Variants in IQCM observed in about 807,000 individuals in gnomAD.
The protein encoded by IQCM is IQ domain-containing protein M.
A neutral mutation model predicts 57.6 loss-of-function variants in IQCM; 45 were observed. That is an observed-to-expected ratio of 0.78 (90% CI 0.62 to 1.00). The LOEUF (loss-of-function observed/expected upper bound fraction) is 1.00. Ranked by LOEUF, IQCM falls within the 50% of genes least tolerant of loss-of-function variation. The pLI is 0.00. For synonymous variants in IQCM, 148 were observed against 158.9 expected (o/e 0.93, Z 0.51); for missense variants, 468 against 511.6 (o/e 0.91, Z 0.82).
intron 7 of IQCM, among the ~76,000 whole-genome samples, chr4:149,658,865 T>C (rs1011962329): frequency 3.9e-5 from 6 of 152,086 alleles, no homozygotes; most frequent in Non-Finnish European, 2.9e-5. Flanking sequence ...TTAGTTCTAA[T>C]ATTTTTTGGT....
At chr4:149,677,650 C>G (rs549185626) in intron 7 of IQCM, among the ~76,000 whole-genome samples, 1 of 152,044 alleles carries the variant, frequency 6.6e-6, no homozygotes, top group East Asian at 2.0e-4. Flanking sequence ...CAACCACAAA[C>G]AGGGAACCAT....
intron 13 of IQCM, among the ~76,000 whole-genome samples, chr4:149,366,600 A>G (rs1252223818): frequency 6.6e-6 from 1 of 151,906 alleles, no homozygotes; most frequent in African/African-American, 2.4e-5. Context: ...CACTTTTAAT[A>G]CTATATTTTT....
chr4:149,526,383 C>T (rs914285486), intron 12 of IQCM, among the ~76,000 whole-genome samples: 7 of 151,886 alleles, frequency 4.6e-5, no homozygotes, highest in African/African-American at 1.2e-4. Context: ...TGACCATAAA[C>T]ATGTACTTTC....
In IQCM at chr4:149,765,570, G is replaced by T. The variant is rs116897219; in HGVS notation, c.-48-22831C>A. On this transcript the variant is annotated intron_variant, in intron 2 of 13. Transcript: ENST00000636793. ...CCAAAACTAAGTCCCTTCTGGTTGG[G>T]GACTGAAAACTGCCCTTGTAAAATT... Among the ~76,000 whole-genome samples, 296 of 151,908 alleles carry T rather than the reference G, an allele frequency of 1.9e-3. 5 individuals are homozygous for T. In the East Asian group the frequency reaches 0.051, roughly 26 times the overall value.
intron 13 of IQCM, among the ~76,000 whole-genome samples, chr4:149,354,188 C>G (rs1728767697): frequency 6.7e-6 from 1 of 149,714 alleles, no homozygotes; most frequent in South Asian, 2.2e-4. Context: ...AACGGTGAAA[C>G]CCCGTCTCTA....
chr4:149,575,639 A>G (rs1290117872), intron 9 of IQCM, among the ~76,000 whole-genome samples: 2 of 151,824 alleles, frequency 1.3e-5, no homozygotes, highest in African/African-American at 4.8e-5. Flanking sequence ...CCTATTTTTG[A>G]CTGTTTCTAG....
chr4:149,415,666 T>G (rs751938271), intron 13 of IQCM, among the ~76,000 whole-genome samples: 2 of 151,726 alleles, frequency 1.3e-5, no homozygotes, highest in Non-Finnish European at 1.5e-5. Context: ...AAAAAAGGAG[T>G]CAGGGATGAG....
intron 5 of IQCM, among the ~76,000 whole-genome samples, chr4:149,714,065 T>A (rs1025790345): frequency 6.6e-6 from 1 of 152,210 alleles, no homozygotes; most frequent in African/African-American, 2.4e-5. Context: ...TTGATCACGC[T>A]ACTAAAATAG....
chr4:149,808,970 T>C (rs753147755), intron 2 of IQCM, among the ~76,000 whole-genome samples: 4 of 152,180 alleles, frequency 2.6e-5, no homozygotes, highest in Non-Finnish European at 5.9e-5. Context: ...TGGTTTGGAA[T>C]ATTTACACAT....
intron 13 of IQCM, among the ~76,000 whole-genome samples, chr4:149,427,234 G>T (rs1261015559): frequency 6.6e-6 from 1 of 151,970 alleles, no homozygotes; most frequent in African/African-American, 2.4e-5. Context: ...CAGGTATTAA[G>T]CCTAAGTTAT....
chr4:149,499,135 A>G (rs1200311690), intron 12 of IQCM, among the ~76,000 whole-genome samples: 1 of 152,178 alleles, frequency 6.6e-6, no homozygotes, highest in East Asian at 1.9e-4. Context: ...GAGAAAGCAT[A>G]TATTCAATTT....
At chr4:149,515,071 C>T (rs367648297) in intron 12 of IQCM, among the ~76,000 whole-genome samples, 38 of 142,906 alleles carry the variant, frequency 2.7e-4, no homozygotes, top group African/African-American at 8.3e-4. Flanking sequence ...TATATATACA[C>T]GTGTGTGTGT....
intron 8 of IQCM, among the ~76,000 whole-genome samples, chr4:149,602,502 T>G (rs1754405547): frequency 6.6e-6 from 1 of 152,176 alleles, no homozygotes; most frequent in African/African-American, 2.4e-5. Context: ...TGCTAAAATG[T>G]CCACGGCCAA....
At chr4:149,574,645 T>C (rs1221343500) in intron 9 of IQCM, among the ~76,000 whole-genome samples, 1 of 151,980 alleles carries the variant, frequency 6.6e-6, no homozygotes, top group African/African-American at 2.4e-5. Context: ...ACCCTGAGCT[T>C]GGCAAACATT....
In IQCM at chr4:149,667,033, T is replaced by C. The variant is rs1202705120; in HGVS notation, c.565+15085A>G. The stretch of plus-strand genomic sequence containing the variant: ...GACTTAAACGTCCCTGCCTGCCAGC[T>C]CTGAAAAGAACAGCAGATCTCCCAG... On this transcript the variant is annotated intron_variant, in intron 7 of 13. Transcript: ENST00000636793. Among the ~76,000 whole-genome samples, 6 of 152,092 alleles carry C rather than the reference T, an allele frequency of 3.9e-5. No homozygotes were observed. In the East Asian group the frequency reaches 1.2e-3, roughly 30 times the overall value.
intron 9 of IQCM, among the ~76,000 whole-genome samples, chr4:149,570,805 T>A (rs1370100152): frequency 6.6e-6 from 1 of 152,052 alleles, no homozygotes; most frequent in Non-Finnish European, 1.5e-5. Flanking sequence ...GTTAATGATA[T>A]TGAATCAAAA....
intron 9 of IQCM, among the ~76,000 whole-genome samples, chr4:149,581,936 G>A (rs559697516): frequency 6.6e-6 from 1 of 151,562 alleles, no homozygotes; most frequent in Non-Finnish European, 1.5e-5. Context: ...AGGAGAAGGG[G>A]AGGGGCAAGG....
At chr4:149,805,521 C>T (rs1196230603) in intron 2 of IQCM, among the ~76,000 whole-genome samples, 1 of 152,008 alleles carries the variant, frequency 6.6e-6, no homozygotes, top group Non-Finnish European at 1.5e-5. Flanking sequence ...TAAAATTTAA[C>T]ATGTAGCTGC....
intron 13 of IQCM, among the ~76,000 whole-genome samples, chr4:149,407,922 T>C (rs1733098795): frequency 6.6e-6 from 1 of 152,150 alleles, no homozygotes; most frequent in Non-Finnish European, 1.5e-5. Context: ...TTGAGATATC[T>C]CCATACAGTT....
Sources: allele counts gnomAD v4.1 joint callset (sites outside exome capture counted in the v4.1 genomes callset), GRCh38; gene constraint gnomAD v4.1.1; transcripts MANE v1.5; gene names NCBI Gene and HGNC (gene_info 2026-07-23, HGNC 2026-07-21).